SCN8A: variants seen among roughly 807,000 people sequenced by gnomAD.
The protein encoded by SCN8A is sodium voltage-gated channel alpha subunit 8.
In SCN8A, 30 loss-of-function variants were observed where a neutral mutation model predicts 184.1. That is an observed-to-expected ratio of 0.16 (90% confidence interval 0.12 to 0.22). The LOEUF is 0.22. Ranked by LOEUF, SCN8A falls within the 10% of genes least tolerant of loss-of-function variation. The pLI is 1.00. For synonymous variants in SCN8A, 852 were observed against 907.0 expected, an observed-to-expected ratio of 0.94 and a Z score of 1.09; for missense variants, 1,057 against 2,498.9, an observed-to-expected ratio of 0.42 and a Z score of 12.30.
At chr12:51,720,442 C>T (rs939714331) in intron 11 of SCN8A, among the ~76,000 whole-genome samples, 6 of 117,422 alleles carry the variant, frequency 5.1e-5, no homozygotes, top group African/African-American at 1.7e-4. Context: ...ACAACACATA[C>T]TGGGGCCTGA....
chr12:51,601,856 T>A (rs12810269), intron 1 of SCN8A, among the ~76,000 whole-genome samples: 1 of 75,060 alleles, frequency 1.3e-5, no homozygotes, highest in African/African-American at 8.5e-5. Context: ...AGAGAAAGGG[T>A]TTTTTTTTTT....
chr12:51,789,196 T>A, intron 23 of SCN8A, 85 bp from the exon 24 acceptor site: 1 of 1,447,230 alleles, frequency 6.9e-7, no homozygotes, highest in Non-Finnish European at 9.5e-7. Flanking sequence ...GCAGCTCAAA[T>A]GGTCACAGTT....
chr12:51,636,072 GC>G (rs1940310725), intron 1 of SCN8A, among the ~76,000 whole-genome samples: 2 of 152,146 alleles, frequency 1.3e-5, no homozygotes, highest in Admixed American at 1.3e-4. Context: ...TGGGCTCATT[GC>G]AAGCTCTGCC....
chr12:51,790,730 C>A (rs1938226601), intron 25 of SCN8A, among the ~76,000 whole-genome samples: 1 of 152,128 alleles, frequency 6.6e-6, no homozygotes, highest in African/African-American at 2.4e-5. Flanking sequence ...CTTGGGCAGC[C>A]ACCAAGAATC....
rs373319507 is a variant in SCN8A at position 51,689,790 on chromosome 12, A to G, written c.706+694A>G. On this transcript the variant is annotated intron_variant, in intron 6 of 26. Transcript: ENST00000627620. ...AAAAAAATCAAAGGTAAGATAAGAT[A>G]CAACTAAAGGTATGGGCAACAAAAA... 15 of 152,382 alleles carry G rather than the reference A, an allele frequency of 9.8e-5. No homozygotes were observed. The South Asian group carries it at 1.7e-3, about 17-fold the overall frequency. The allele number at this position is 152,382 out of a possible 1,614,324, so 9.4% of individuals were successfully genotyped here. A position where few individuals can be genotyped will look rare whatever the true frequency, so the allele number is the denominator to read the frequency against.
At chr12:51,756,779 C>T (rs565686792) in intron 14 of SCN8A, among the ~76,000 whole-genome samples, 40 of 152,330 alleles carry the variant, frequency 2.6e-4, no homozygotes, top group African/African-American at 9.1e-4. Flanking sequence ...GGGCAGCAGC[C>T]TCCCTCTACC....
At chr12:51,742,458 C>G (rs773743750) in intron 12 of SCN8A, among the ~76,000 whole-genome samples, 2 of 152,002 alleles carry the variant, frequency 1.3e-5, no homozygotes, top group African/African-American at 4.8e-5. Flanking sequence ...ATATTTTTGC[C>G]GGATATAGTG....
At chr12:51,730,919 A>G (rs1942230451) in intron 12 of SCN8A, among the ~76,000 whole-genome samples, 1 of 152,098 alleles carries the variant, frequency 6.6e-6, no homozygotes, top group Non-Finnish European at 1.5e-5. Flanking sequence ...CAGGAGTTCA[A>G]TTGCATTGAT....
At chr12:51,729,245 G>C (rs893764159) in intron 12 of SCN8A, among the ~76,000 whole-genome samples, 3 of 152,166 alleles carry the variant, frequency 2.0e-5, no homozygotes, top group Non-Finnish European at 2.9e-5. Context: ...AAAAGGAGGT[G>C]GAGAAGGAGT....
chr12:51,788,287 C>CTTTTTTTTTTTTTTTT (rs66672221), intron 22 of SCN8A, among the ~76,000 whole-genome samples: 54 of 84,012 alleles, frequency 6.4e-4, no homozygotes, highest in African/African-American at 2.6e-3. Context: ...CGCTTAACAC[C>CTTTTTTTTTTTTTTTT]TTTTTTTTTT....
chr12:51,770,042 G>C lies in SCN8A; in HGVS notation c.3490+57G>C, dbSNP rs1041816761. On this transcript the variant is annotated intron_variant, in intron 18 of 26. Transcript: ENST00000627620. ...GACACTCGTGTTGCTCACAGACACA[G>C]TTGTGCCAGGGCTAGTGGTGGGTGA... 5 of 1,222,722 alleles carry C rather than the reference G, an allele frequency of 4.1e-6. No homozygotes were observed. The African/African-American group carries it at 7.5e-5, about 18-fold the overall frequency. 75.7% of individuals were successfully genotyped at this position (1,222,722 alleles called of 1,614,324 possible).
chr12:51,641,568 A>C (rs1396635671), intron 1 of SCN8A, among the ~76,000 whole-genome samples: 2 of 152,234 alleles, frequency 1.3e-5, no homozygotes, highest in Non-Finnish European at 2.9e-5. Context: ...TTCCAGTTGG[A>C]AAGTAGTTGT....
intron 2 of SCN8A, among the ~76,000 whole-genome samples, chr12:51,679,085 T>A (rs1198019055): frequency 1.7e-3 from 78 of 46,856 alleles, no homozygotes; most frequent in East Asian, 0.012. Flanking sequence ...CCAAAAAAAA[T>A]AAAAAAATAA....
At chr12:51,624,672 C>T (rs1214544387) in intron 1 of SCN8A, among the ~76,000 whole-genome samples, 3 of 152,162 alleles carry the variant, frequency 2.0e-5, no homozygotes, top group East Asian at 3.9e-4. Context: ...GTGTTTTAGA[C>T]ATGAAGTCCT....
chr12:51,703,666 T>C (rs1305341245), intron 9 of SCN8A, among the ~76,000 whole-genome samples: 1 of 152,246 alleles, frequency 6.6e-6, no homozygotes, highest in East Asian at 1.9e-4. Flanking sequence ...TTAGTGTAAG[T>C]GATTGCTAAG....
At chr12:51,781,627 A>G (rs1485714655) in intron 21 of SCN8A, among the ~76,000 whole-genome samples, 1 of 151,932 alleles carries the variant, frequency 6.6e-6, no homozygotes, top group Non-Finnish European at 1.5e-5. Context: ...GGTTTAAACA[A>G]TTGTGCGTGT....
chr12:51,698,333 G>T (rs899936246), intron 6 of SCN8A, among the ~76,000 whole-genome samples: 2 of 152,158 alleles, frequency 1.3e-5, no homozygotes, highest in Non-Finnish European at 2.9e-5. Flanking sequence ...ATCTACCCAG[G>T]CACACCCTTC....
intron 1 of SCN8A, among the ~76,000 whole-genome samples, chr12:51,611,249 C>T (rs1939714038): frequency 6.6e-6 from 1 of 151,292 alleles, no homozygotes; most frequent in African/African-American, 2.4e-5. Context: ...GCAAGCTCCG[C>T]CTCCCAGGTT....
At chr12:51,608,995 T>C (rs1255785060) in intron 1 of SCN8A, among the ~76,000 whole-genome samples, 2 of 152,222 alleles carry the variant, frequency 1.3e-5, no homozygotes, top group Non-Finnish European at 2.9e-5. Flanking sequence ...TTTGACTCAA[T>C]GCTGATTCAG....
Sources: gnomAD v4.1 joint callset for allele counts (sites outside exome capture counted in the v4.1 genomes callset) on GRCh38, gnomAD v4.1.1 for gene constraint, MANE v1.5 for transcripts, NCBI Gene and HGNC (gene_info 2026-07-23, HGNC 2026-07-21) for gene names.